The following LHFPL3 variants were observed in gnomAD, a reference collection of about 807,000 sequenced individuals.
LHFPL3 encodes the protein LHFPL tetraspan subfamily member 3, also known as LHFPL tetraspan subfamily member 3 protein.
In LHFPL3, 5 loss-of-function variants were observed where a neutral mutation model predicts 19.3. The observed-to-expected ratio is 0.26, with a 90% CI of 0.14 to 0.54. The LOEUF (loss-of-function observed/expected upper bound fraction) is 0.54, where lower values mean the gene tolerates loss of function less well. Among genes scored for constraint, LHFPL3 ranks in the 20% least tolerant of loss-of-function variants. LHFPL3 has a pLI of 0.94. For missense variants in LHFPL3, 249 were observed against 307.4 expected (o/e 0.81, Z 1.42); for synonymous variants, 133 against 126.2 (o/e 1.05, Z -0.36).
chr7:104,708,413 C>G (rs772961732), intron 1 of LHFPL3, among the ~76,000 whole-genome samples: 3 of 152,080 alleles, frequency 2.0e-5, no homozygotes, highest in Non-Finnish European at 4.4e-5. Context: ...GAGTTTGAAT[C>G]TTATTGTAGT....
intron 1 of LHFPL3, among the ~76,000 whole-genome samples, chr7:104,460,007 C>A (rs922501460): frequency 6.6e-6 from 1 of 152,120 alleles, no homozygotes; most frequent in African/African-American, 2.4e-5. Flanking sequence ...TCTCCTTCTT[C>A]TTACCCTCCA....
At chr7:104,434,970 G>T (rs1792075115) in intron 1 of LHFPL3, among the ~76,000 whole-genome samples, 1 of 151,992 alleles carries the variant, frequency 6.6e-6, no homozygotes, top group Admixed American at 6.6e-5. Context: ...TTATTTTTAA[G>T]TATATTAAGG....
chr7:104,818,102 C>T (rs748956440), intron 2 of LHFPL3, among the ~76,000 whole-genome samples: 5 of 152,110 alleles, frequency 3.3e-5, no homozygotes, highest in Admixed American at 6.6e-5. Flanking sequence ...TAAGAGGAAT[C>T]GGAAGGATTT....
intron 1 of LHFPL3, among the ~76,000 whole-genome samples, chr7:104,585,112 G>T (rs1040698307): frequency 6.6e-6 from 1 of 151,872 alleles, no homozygotes; most frequent in African/African-American, 2.4e-5. Flanking sequence ...CCTACTCCCA[G>T]CACTCTTGAG....
At chr7:104,854,740 A>C (rs1791471662) in intron 2 of LHFPL3, among the ~76,000 whole-genome samples, 1 of 152,222 alleles carries the variant, frequency 6.6e-6, no homozygotes, top group African/African-American at 2.4e-5. Context: ...AAAGGGAATA[A>C]AGCAAAATTA....
chr7:104,828,608 C>T (rs1173630878), intron 2 of LHFPL3, among the ~76,000 whole-genome samples: 1 of 152,016 alleles, frequency 6.6e-6, no homozygotes, highest in Non-Finnish European at 1.5e-5. Context: ...GCAAAGCCCT[C>T]TTAGGAAAGC....
chr7:104,377,605 G>T (rs940777143), intron 1 of LHFPL3, among the ~76,000 whole-genome samples: 2 of 152,124 alleles, frequency 1.3e-5, no homozygotes, highest in African/African-American at 4.8e-5. Flanking sequence ...GACAGTATTG[G>T]CTTTGCTGAA....
intron 1 of LHFPL3, among the ~76,000 whole-genome samples, chr7:104,439,132 G>A (rs1792169145): frequency 6.6e-6 from 1 of 152,094 alleles, no homozygotes; most frequent in Non-Finnish European, 1.5e-5. Context: ...GTTCTAGGCA[G>A]TTTCACTGGT....
At chr7:104,882,792 T>C (rs1369439413) in intron 2 of LHFPL3, among the ~76,000 whole-genome samples, 1 of 152,230 alleles carries the variant, frequency 6.6e-6, no homozygotes, top group Non-Finnish European at 1.5e-5. Flanking sequence ...ATGTGAATTA[T>C]GTCTCAATAA....
chr7:104,835,688 T>C (rs569632086), intron 2 of LHFPL3, among the ~76,000 whole-genome samples: 1 of 152,082 alleles, frequency 6.6e-6, no homozygotes, highest in South Asian at 2.1e-4. Context: ...ATCAAATTCT[T>C]CATATTGAAA....
intron 1 of LHFPL3, among the ~76,000 whole-genome samples, chr7:104,629,630 G>A (rs1791605401): frequency 6.6e-6 from 1 of 152,202 alleles, no homozygotes; most frequent in African/African-American, 2.4e-5. Context: ...AGTGCAGATA[G>A]AGTGTCTGTG....
chr7:104,488,389 G>C (rs758533656), intron 1 of LHFPL3, among the ~76,000 whole-genome samples: 7 of 152,144 alleles, frequency 4.6e-5, no homozygotes, highest in Admixed American at 1.3e-4. Flanking sequence ...TCTTTTCATT[G>C]GTTCACTTTT....
chr7:104,848,619 A>G (rs1441207047), intron 2 of LHFPL3, among the ~76,000 whole-genome samples: 1 of 148,436 alleles, frequency 6.7e-6, no homozygotes, highest in African/African-American at 2.5e-5. Flanking sequence ...CAGGTGTCTG[A>G]GGAAAGGGAG....
intron 1 of LHFPL3, among the ~76,000 whole-genome samples, chr7:104,460,820 T>C (rs1792647789): frequency 6.6e-6 from 1 of 152,216 alleles, no homozygotes; most frequent in Admixed American, 6.5e-5. Flanking sequence ...ATAGTTTCTT[T>C]TGCTGTACAG....
At chr7:104,437,435 A>G (rs79894415) in intron 1 of LHFPL3, among the ~76,000 whole-genome samples, 2,983 of 152,246 alleles carry the variant, frequency 0.02, 84 homozygotes, top group African/African-American at 0.068. Context: ...GGGGTGTCCT[A>G]CAATTCAATT....
chr7:104,755,717 T>C (rs1335436253), intron 2 of LHFPL3, among the ~76,000 whole-genome samples: 7 of 152,150 alleles, frequency 4.6e-5, no homozygotes, highest in Non-Finnish European at 8.8e-5. Context: ...TGTTTTGAGA[T>C]GGAGTTTCAC....
chr7:104,844,813 A>C (rs1402071719), intron 2 of LHFPL3, among the ~76,000 whole-genome samples: 1 of 152,174 alleles, frequency 6.6e-6, no homozygotes, highest in African/African-American at 2.4e-5. Context: ...ATCTCAGCTC[A>C]TTGCAACATT....
chr7:104,532,664 A>G (rs1794324083), intron 1 of LHFPL3, among the ~76,000 whole-genome samples: 1 of 152,146 alleles, frequency 6.6e-6, no homozygotes. Flanking sequence ...GCTTCTGGAA[A>G]CAAAAGCCAA....
intron 1 of LHFPL3, among the ~76,000 whole-genome samples, chr7:104,410,856 G>A (rs1343288206): frequency 6.6e-6 from 1 of 152,152 alleles, no homozygotes; most frequent in Non-Finnish European, 1.5e-5. Flanking sequence ...GGATGAATTG[G>A]CCAAGTGAAA....
Sources: allele counts gnomAD v4.1 joint callset (sites outside exome capture counted in the v4.1 genomes callset), GRCh38; gene constraint gnomAD v4.1.1; transcripts MANE v1.5; gene names NCBI Gene and HGNC (gene_info 2026-07-23, HGNC 2026-07-21).